CDH10: variants seen among roughly 807,000 people sequenced by gnomAD.
The protein encoded by CDH10 is cadherin 10.
CDH10 carries 30 observed loss-of-function variants against 73.1 expected under a neutral mutation model. That is an observed-to-expected ratio of 0.41 (90% confidence interval 0.31 to 0.56). CDH10 has a LOEUF of 0.56. CDH10 is among the 20% of genes least tolerant of loss of function. The probability of loss-of-function intolerance (pLI) is 0.27; values close to 1 mark genes in which losing one functional copy is unlikely to be tolerated. For synonymous variants in CDH10, 345 were observed against 348.2 expected (o/e 0.99, Z 0.10); for missense variants, 815 against 973.7 (o/e 0.84, Z 2.17).
intron 11 of CDH10, among the ~76,000 whole-genome samples, chr5:24,490,768 T>G (rs547453803): frequency 1.3e-5 from 2 of 152,318 alleles, no homozygotes; most frequent in African/African-American, 4.8e-5. Flanking sequence ...ATTTTAAAAT[T>G]TAAGACTAAT....
chr5:24,498,782 C>G (rs1742384710), intron 8 of CDH10, among the ~76,000 whole-genome samples: 1 of 152,140 alleles, frequency 6.6e-6, no homozygotes, highest in South Asian at 2.1e-4. Flanking sequence ...ATTGAGTTCA[C>G]ACTATATTTG....
intron 1 of CDH10, among the ~76,000 whole-genome samples, chr5:24,627,446 A>G (rs1317401953): frequency 6.6e-6 from 1 of 152,178 alleles, no homozygotes; most frequent in African/African-American, 2.4e-5. Flanking sequence ...GAGTGAAATA[A>G]TAGATCACAT....
rs1742825643 is a variant in CDH10 at position 24,509,681 on chromosome 5, G to A, written c.1141C>T (p.Pro381Ser). Residue 381 changes from proline (P) to serine (S), a missense_variant, in exon 7 of 12, where the codon CCT becomes TCT. By Grantham distance (74) the Pro-to-Ser change is moderately conservative. This residue lies in a region of CDH10 where 516 missense variants were observed against 636.6 expected (regional missense o/e 0.81). Transcript: ENST00000264463. Reference protein sequence around the residue: ...VKISIEDVDEPPVFSRSSYLF... With the variant: ...VKISIEDVDESPVFSRSSYLF... ...TAGGAGGACCTACTAAAAACAGGAGGTTCATCCACATCTTCTATAGAGATT... is the reference window on the plus strand; with the variant it reads ...TAGGAGGACCTACTAAAAACAGGAGATTCATCCACATCTTCTATAGAGATT... 6.2e-7 allele frequency: 1 copy of A among 1,613,354 alleles called. No individual in the cohort carries two copies. The highest frequency in any genetic ancestry group is 8.5e-7 in the Non-Finnish European group (1 of 1,179,460).
intron 2 of CDH10, among the ~76,000 whole-genome samples, chr5:24,560,898 T>G (rs550216999): frequency 6.6e-6 from 1 of 152,266 alleles, no homozygotes; most frequent in African/African-American, 2.4e-5. Flanking sequence ...TATAGTGAAA[T>G]AATCCAAATT....
At chr5:24,623,230 C>A (rs1747376158) in intron 1 of CDH10, among the ~76,000 whole-genome samples, 1 of 152,184 alleles carries the variant, frequency 6.6e-6, no homozygotes, top group Non-Finnish European at 1.5e-5. Flanking sequence ...GTCAGGCACG[C>A]TCCTGGTGGG....
chr5:24,591,208 G>C, intron 2 of CDH10, among the ~76,000 whole-genome samples: 1 of 151,954 alleles, frequency 6.6e-6, no homozygotes, highest in East Asian at 1.9e-4. Flanking sequence ...CAAATAATAA[G>C]GCAATTAATA....
Position 24,633,323 on chromosome 5 carries a change from G to C in CDH10, c.-124+11271C>G, listed in dbSNP as rs553180197. Among the ~76,000 whole-genome samples the C allele has an allele frequency of 4.0e-5, 6 of 151,886 alleles. No homozygotes were observed. In the South Asian group the frequency reaches 1.2e-3, roughly 31 times the overall value. ...CTACTTTATAAAAAACCCAGTCAAAGAGGCTTGATATTTGGTGAATACGTA... is the reference window on the plus strand; with the variant it reads ...CTACTTTATAAAAAACCCAGTCAAACAGGCTTGATATTTGGTGAATACGTA... On this transcript the variant is annotated intron_variant, in intron 1 of 11. Coordinates refer to ENST00000264463, the MANE Select transcript of CDH10 (RefSeq NM_006727.5).
chr5:24,585,684 A>G (rs1012206645), intron 2 of CDH10, among the ~76,000 whole-genome samples: 1 of 152,196 alleles, frequency 6.6e-6, no homozygotes, highest in African/African-American at 2.4e-5. Flanking sequence ...TCAGCCTCCC[A>G]AAGTGCCGGG....
chr5:24,566,295 G>A (rs1579816921), intron 2 of CDH10, among the ~76,000 whole-genome samples: 2 of 152,254 alleles, frequency 1.3e-5, no homozygotes, highest in African/African-American at 4.8e-5. Context: ...TGATCCACCT[G>A]TCTTGGCCTC....
intron 1 of CDH10, among the ~76,000 whole-genome samples, chr5:24,625,061 T>G (rs1747447674): frequency 6.6e-6 from 1 of 152,080 alleles, no homozygotes; most frequent in Admixed American, 6.6e-5. Context: ...CTTTGAAGTT[T>G]AAAAGAGATA....
At chr5:24,511,255 T>C in intron 6 of CDH10, 72 bp downstream of exon 6, 1 of 877,556 alleles carries the variant, frequency 1.1e-6, no homozygotes, top group Non-Finnish European at 1.8e-6. Flanking sequence ...GGATCATTCA[T>C]GAGCGAAGAG....
At chr5:24,621,095 C>T (rs570724055) in intron 1 of CDH10, among the ~76,000 whole-genome samples, 4 of 152,224 alleles carry the variant, frequency 2.6e-5, no homozygotes, top group African/African-American at 2.4e-5. Context: ...GAGCCTCCAT[C>T]GGCTGTCTCC....
intron 5 of CDH10, among the ~76,000 whole-genome samples, chr5:24,520,215 T>C (rs970545617): frequency 6.6e-5 from 10 of 152,142 alleles, no homozygotes; most frequent in Non-Finnish European, 8.8e-5. Context: ...AAAAAGGAAG[T>C]AAACCAAAGT....
At position 24,615,829 on chromosome 5, in the gene CDH10, G is replaced by A. The variant is rs181707813; in HGVS notation, c.-123-22216C>T. ...AAAGCTGAGCACAGCATATATTTTG[G>A]AAATTCTGCCTTGAGGCATGAGGAG... On this transcript the variant is annotated intron_variant, in intron 1 of 11. Coordinates refer to ENST00000264463, the MANE Select transcript of CDH10 (RefSeq NM_006727.5). 3.8e-3 allele frequency among the ~76,000 whole-genome samples: 575 copies of A among 152,270 alleles called. 2 individuals carry two copies. Among genetic ancestry groups the A allele is most frequent in the African/African-American group, 0.013 (541 of 41,542 alleles).
intron 3 of CDH10, among the ~76,000 whole-genome samples, chr5:24,537,014 T>A (rs940748606): frequency 6.6e-6 from 1 of 151,588 alleles, no homozygotes; most frequent in African/African-American, 2.4e-5. Flanking sequence ...GAAGATTATA[T>A]AACCTCTATG....
At chr5:24,631,981 T>G (rs1747718971) in intron 1 of CDH10, among the ~76,000 whole-genome samples, 1 of 152,054 alleles carries the variant, frequency 6.6e-6, no homozygotes, top group Non-Finnish European at 1.5e-5. Flanking sequence ...GAAAATACAT[T>G]TTTTGCCTTA....
intron 1 of CDH10, among the ~76,000 whole-genome samples, chr5:24,604,091 G>A (rs1746666523): frequency 6.6e-6 from 1 of 152,192 alleles, no homozygotes; most frequent in Admixed American, 6.5e-5. Context: ...GCTCACTCCT[G>A]TATTCGAAAC....
rs756342275 is a variant in CDH10 at position 24,511,460 on chromosome 5, C to T, written c.869G>A (p.Ser290Asn). Residue 290 changes from serine to asparagine, a missense_variant, in exon 6 of 12, where the codon AGT (serine) becomes AAT (asparagine). Physicochemically the swap from Ser to Asn is conservative, Grantham distance 46. Transcript: ENST00000264463. ...AGTGTCAGCATCAGTTGCTTTGACACTTCCAATGGCTGTGCCAACTGGGGA... is the reference window on the plus strand; with the variant it reads ...AGTGTCAGCATCAGTTGCTTTGACATTTCCAATGGCTGTGCCAACTGGGGA... ...ESSPVGTAIG[S>N]VKATDADTGK... 3 of 1,610,570 alleles carry T rather than the reference C, an allele frequency of 1.9e-6. No individual in the cohort carries two copies. The highest frequency in any genetic ancestry group is 2.2e-5 in the East Asian group (1 of 44,800).
At chr5:24,622,084 C>T (rs1425459796) in intron 1 of CDH10, among the ~76,000 whole-genome samples, 6 of 152,136 alleles carry the variant, frequency 3.9e-5, no homozygotes, top group Non-Finnish European at 7.3e-5. Flanking sequence ...AAGACTAACA[C>T]GATCTCATTT....
Sources: gnomAD v4.1 joint callset for allele counts (sites outside exome capture counted in the v4.1 genomes callset) on GRCh38, gnomAD v4.1.1 for gene constraint, gnomAD v4.1.1 regional missense constraint, MANE v1.5 for transcripts, NCBI Gene and HGNC (gene_info 2026-07-23, HGNC 2026-07-21) for gene names.